The following DAPP1 variants were observed in gnomAD, a reference collection of about 807,000 sequenced individuals.
DAPP1 encodes the protein dual adaptor of phosphotyrosine and 3-phosphoinositides 1.
Under a neutral mutation model 41.5 loss-of-function variants are expected in DAPP1, and 20 were observed. The ratio of observed to expected loss-of-function variants is 0.48; its 90% confidence interval spans 0.34 to 0.70. The LOEUF is 0.70. Among genes scored for constraint, DAPP1 ranks in the 30% least tolerant of loss-of-function variants. The pLI, the probability that DAPP1 is intolerant of heterozygous loss-of-function variation, is 0.01. For missense variants in DAPP1, 233 were observed against 333.4 expected (o/e 0.70, Z 2.35); for synonymous variants, 113 against 116.2 (o/e 0.97, Z 0.18).
intron 1 of DAPP1, among the ~76,000 whole-genome samples, chr4:99,820,166 T>C (rs1275755411): frequency 6.6e-6 from 1 of 151,650 alleles, no homozygotes; most frequent in Non-Finnish European, 1.5e-5. Flanking sequence ...GAAGTGAGGG[T>C]GTGGAGAATC....
intron 1 of DAPP1, among the ~76,000 whole-genome samples, chr4:99,823,341 A>C (rs1292764542): frequency 6.6e-6 from 1 of 152,070 alleles, no homozygotes; most frequent in East Asian, 1.9e-4. Context: ...ATTAATTATC[A>C]AAAATTAGAG....
rs192636969 is a variant in DAPP1, at chr4:99,865,285, G to A, written c.687-749G>A. 24 of 152,282 alleles carry A rather than the reference G, an allele frequency of 1.6e-4. No homozygotes were observed. In the South Asian group the frequency reaches 2.1e-3, roughly 13 times the overall value. 9.4% of individuals were successfully genotyped at this position (152,282 alleles called of 1,614,324 possible). A position where few individuals can be genotyped will look rare whatever the true frequency, so the allele number is the denominator to read the frequency against. On this transcript the variant is annotated intron_variant, in intron 7 of 8. Transcript: ENST00000512369. ...ATTTTTGCATCTCAACTGTAAGTAA[G>A]GAAGTATGTTCAGTATGTAATTTAG...
intron 1 of DAPP1, among the ~76,000 whole-genome samples, chr4:99,818,384 A>G (rs1375906559): frequency 6.6e-6 from 1 of 152,192 alleles, no homozygotes; most frequent in Non-Finnish European, 1.5e-5. Context: ...AATGCTTTAC[A>G]TGTTCTGTTA....
intron 8 of DAPP1, among the ~76,000 whole-genome samples, chr4:99,867,467 A>T (rs1257554797): frequency 6.6e-6 from 1 of 152,236 alleles, no homozygotes; most frequent in African/African-American, 2.4e-5. Flanking sequence ...TTCAGAACGG[A>T]TACAATGAAG....
intron 1 of DAPP1, among the ~76,000 whole-genome samples, chr4:99,817,715 C>G (rs1198927354): frequency 6.6e-6 from 1 of 152,164 alleles, no homozygotes; most frequent in African/African-American, 2.4e-5. Flanking sequence ...TAATAAGAAA[C>G]AAGTATTACA....
At chr4:99,836,218 T>TAGGAAA (rs1723293521) in intron 2 of DAPP1, among the ~76,000 whole-genome samples, 1 of 152,204 alleles carries the variant, frequency 6.6e-6, no homozygotes, top group African/African-American at 2.4e-5. Flanking sequence ...TAGCTTTTCA[T>TAGGAAA]ATTGAGTCTC....
chr4:99,864,131 G>T, intron 7 of DAPP1: 1 of 225,540 alleles, frequency 4.4e-6, no homozygotes, highest in Non-Finnish European at 8.6e-6. Context: ...ATTTCTTTGA[G>T]GCTTTCTCCC....
intron 3 of DAPP1, among the ~76,000 whole-genome samples, chr4:99,852,065 A>G (rs1214996644): frequency 1.3e-5 from 2 of 152,026 alleles, no homozygotes; most frequent in Middle Eastern, 3.4e-3. Context: ...ACCATGCCCT[A>G]TTCATTTTTT....
downstream of DAPP1, among the ~76,000 whole-genome samples, chr4:99,871,252 T>C (rs1724619998): frequency 6.6e-6 from 1 of 152,180 alleles, no homozygotes; most frequent in Admixed American, 6.5e-5. Context: ...TCAGATCCAC[T>C]GCAGCAAATC....
At position 99,817,720 on chromosome 4, in the gene DAPP1, A is replaced by G. The variant is rs145047863; in HGVS notation, c.101+706A>G. Among the ~76,000 whole-genome samples the G allele has an allele frequency of 3.3e-5, 5 of 152,336 alleles. No homozygotes were observed. The East Asian group carries it at 9.6e-4, about 29-fold the overall frequency. ...TCCGGGTATTTAATAAGAAACAAGTATTACACAAGAGAGGAATTGGGGATT... is the reference window on the plus strand; with the variant it reads ...TCCGGGTATTTAATAAGAAACAAGTGTTACACAAGAGAGGAATTGGGGATT... On this transcript the variant is annotated intron_variant, in intron 1 of 8. Coordinates refer to ENST00000512369, the MANE Select transcript of DAPP1 (RefSeq NM_014395.3).
intron 8 of DAPP1, 117 bp downstream of exon 8, chr4:99,866,238 G>T: frequency 1.6e-6 from 1 of 640,076 alleles, no homozygotes. Context: ...ATGTCTGGGT[G>T]TCTACTTCCA....
intron 4 of DAPP1, among the ~76,000 whole-genome samples, chr4:99,853,850 A>G (rs1159186016): frequency 2.6e-5 from 4 of 152,200 alleles, no homozygotes; most frequent in Admixed American, 2.6e-4. Flanking sequence ...TGCAATAGTA[A>G]TAGGATTTTA....
intron 2 of DAPP1, among the ~76,000 whole-genome samples, chr4:99,838,551 A>C (rs1351511879): frequency 6.6e-6 from 1 of 152,144 alleles, no homozygotes; most frequent in African/African-American, 2.4e-5. Context: ...TTAGATTCTC[A>C]TGAGGAGTGT....
intron 1 of DAPP1, among the ~76,000 whole-genome samples, chr4:99,833,340 C>A (rs1229639821): frequency 6.6e-6 from 1 of 152,154 alleles, no homozygotes; most frequent in African/African-American, 2.4e-5. Context: ...TTTCAGCTAG[C>A]AAATATATTT....
At chr4:99,828,317 T>C (rs2110137472) in intron 1 of DAPP1, among the ~76,000 whole-genome samples, 1 of 152,328 alleles carries the variant, frequency 6.6e-6, no homozygotes, top group South Asian at 2.1e-4. Flanking sequence ...GAAAACAATA[T>C]ATTCAAGTTA....
At chr4:99,822,658 T>C (rs77064113) in intron 1 of DAPP1, among the ~76,000 whole-genome samples, 1,747 of 152,326 alleles carry the variant, frequency 0.011, 41 homozygotes, top group African/African-American at 0.039. Context: ...GTCAGCATTC[T>C]GGTGGTCTGG....
At chr4:99,837,024 C>T (rs1342202646) in intron 2 of DAPP1, among the ~76,000 whole-genome samples, 4 of 152,206 alleles carry the variant, frequency 2.6e-5, no homozygotes, top group African/African-American at 9.7e-5. Context: ...CTAGACGCCA[C>T]CCACAGTTCT....
chr4:99,817,097 T>G (rs1265464943), intron 1 of DAPP1, 83 bp downstream of exon 1: 1 of 1,031,468 alleles, frequency 9.7e-7, no homozygotes, highest in Admixed American at 2.3e-5. Flanking sequence ...GATTAATGAC[T>G]ATCTTCAGTG....
intron 3 of DAPP1, among the ~76,000 whole-genome samples, chr4:99,844,867 A>G (rs1457209769): frequency 6.6e-6 from 1 of 152,234 alleles, no homozygotes; most frequent in Non-Finnish European, 1.5e-5. Flanking sequence ...CACCCAGGTG[A>G]TATTTTTAAA....
Sources: gnomAD v4.1 joint callset for allele counts (sites outside exome capture counted in the v4.1 genomes callset) on GRCh38, gnomAD v4.1.1 for gene constraint, MANE v1.5 for transcripts, NCBI Gene and HGNC (gene_info 2026-07-23, HGNC 2026-07-21) for gene names.